The following PLAAT3 variants were observed in gnomAD, a reference collection of about 807,000 sequenced individuals.
PLAAT3 encodes the protein phospholipase A and acyltransferase 3, also known as Ca-independent phospholipase A1/2.
In PLAAT3, 21 loss-of-function variants were observed where a neutral mutation model predicts 16.7. The observed-to-expected ratio is 1.26, with a 90% CI of 0.89 to 1.81. The LOEUF (loss-of-function observed/expected upper bound fraction) is 1.81, where lower values mean the gene tolerates loss of function less well. Among genes scored for constraint, PLAAT3 ranks in the 40% most tolerant of loss-of-function variants. PLAAT3 has a pLI of 0.00. For missense variants in PLAAT3, 219 were observed against 213.7 expected, an observed-to-expected ratio of 1.02 and a Z score of -0.16; for synonymous variants, 76 against 81.7, an observed-to-expected ratio of 0.93 and a Z score of 0.38.
At chr11:63,593,376 G>A (rs1049924939) in intron 3 of PLAAT3, among the ~76,000 whole-genome samples, 3 of 152,188 alleles carry the variant, frequency 2.0e-5, no homozygotes, top group Admixed American at 6.5e-5. Context: ...TAGAACAGAA[G>A]GAACAGCAGG....
rs566274481 is a variant in PLAAT3, at chr11:63,581,881, G to C, written c.388-6835C>G. Among the ~76,000 whole-genome samples, 9 of 152,262 alleles carry C rather than the reference G, an allele frequency of 5.9e-5. No homozygotes were observed. The South Asian group carries it at 1.9e-3, about 32-fold the overall frequency. On this transcript the variant is annotated intron_variant, in intron 4 of 4. Transcript: ENST00000415826. ...AACCTATGTTGAAATATTAGGGACTGGTTCCCCCAATACCAGTAACCTCTA... is the reference window on the plus strand; with the variant it reads ...AACCTATGTTGAAATATTAGGGACTCGTTCCCCCAATACCAGTAACCTCTA...
rs187724647 is a variant in PLAAT3, at chr11:63,582,940, G to A, written c.387+7160C>T. ...GAGGTCAGGAGTTCGAGACCAGCCT[G>A]ACCAACATGGTGAAACCTCATCTCT... On this transcript the variant is annotated intron_variant, in intron 4 of 4. Coordinates refer to ENST00000415826, the MANE Select transcript of PLAAT3 (RefSeq NM_001128203.2). Among the ~76,000 whole-genome samples the A allele has an allele frequency of 1.2e-3, 185 of 152,198 alleles. 1 individual carries two copies. The highest frequency in any genetic ancestry group is 4.5e-3 in the African/African-American group (185 of 41,518).
intron 4 of PLAAT3, among the ~76,000 whole-genome samples, chr11:63,584,982 T>C (rs1404010240): frequency 6.6e-6 from 1 of 151,894 alleles, no homozygotes; most frequent in Non-Finnish European, 1.5e-5. Context: ...TTTTCTGATA[T>C]GTACTAAATC....
intron 4 of PLAAT3, among the ~76,000 whole-genome samples, chr11:63,583,978 G>A (rs1328611484): frequency 6.6e-6 from 1 of 152,162 alleles, no homozygotes; most frequent in Non-Finnish European, 1.5e-5. Flanking sequence ...AAGAAGAAGT[G>A]GAGATAGTAG....
chr11:63,598,025 G>A, intron 3 of PLAAT3, 36 bp downstream of exon 3: 1 of 1,377,236 alleles, frequency 7.3e-7, no homozygotes, highest in Non-Finnish European at 1.0e-6. Context: ...CCCAGCCCCT[G>A]GGGCCCATCA....
intron 2 of PLAAT3, among the ~76,000 whole-genome samples, chr11:63,604,292 T>C (rs1230216314): frequency 7.9e-5 from 12 of 152,318 alleles, no homozygotes; most frequent in Non-Finnish European, 1.0e-4. Flanking sequence ...TATATTATTT[T>C]ATTGTTTGAA....
chr11:63,606,143 C>T (rs1938552586), intron 2 of PLAAT3, among the ~76,000 whole-genome samples: 1 of 152,144 alleles, frequency 6.6e-6, no homozygotes, highest in Non-Finnish European at 1.5e-5. Flanking sequence ...AACCCCTTCA[C>T]CTTGGGAGGA....
chr11:63,609,198 C>T (rs973529159), intron 2 of PLAAT3, among the ~76,000 whole-genome samples: 7 of 152,144 alleles, frequency 4.6e-5, no homozygotes, highest in Non-Finnish European at 1.0e-4. Context: ...CTAAACTCAC[C>T]CCCTTCACTT....
chr11:63,599,009 G>T (rs1281019138), intron 2 of PLAAT3, among the ~76,000 whole-genome samples: 1 of 152,092 alleles, frequency 6.6e-6, no homozygotes, highest in East Asian at 1.9e-4. Flanking sequence ...CTTCAGAGAG[G>T]TTCAAGATCC....
chr11:63,588,162 C>T (rs758606884), intron 4 of PLAAT3, among the ~76,000 whole-genome samples: 18 of 151,038 alleles, frequency 1.2e-4, no homozygotes, highest in African/African-American at 2.2e-4. Context: ...CTCTGCCTCC[C>T]GGATTCAAGT....
At chr11:63,589,326 A>C (rs1004618329) in intron 4 of PLAAT3, among the ~76,000 whole-genome samples, 4 of 151,702 alleles carry the variant, frequency 2.6e-5, no homozygotes, top group African/African-American at 9.7e-5. Context: ...ATGGATCTTA[A>C]GCTAATCATT....
intron 4 of PLAAT3, among the ~76,000 whole-genome samples, chr11:63,580,452 GAGACC>G (rs1445839158): frequency 6.6e-6 from 1 of 152,080 alleles, no homozygotes; most frequent in Non-Finnish European, 1.5e-5. Flanking sequence ...TCAGGAGTTC[GAGACC>G]AGCCTGGCCA....
rs34044017 is a variant in PLAAT3 at position 63,606,425 on chromosome 11, AACACAC to A, written c.15+7569_15+7574del. On this transcript the variant is annotated intron_variant, in intron 2 of 4. Transcript: ENST00000415826. The stretch of plus-strand genomic sequence containing the variant: ...TGGCAAAACCCCGTCTCTACTATAA[AACACAC>A]ACACACACACACACACACACACACA... 2.8e-3 allele frequency among the ~76,000 whole-genome samples: 386 copies of A among 140,204 alleles called. 1 individual carries two copies. The highest frequency in any genetic ancestry group is 7.8e-3 in the African/African-American group (283 of 36,244). 92.0% of individuals were successfully genotyped at this position (140,204 alleles called of 152,430 possible).
intron 3 of PLAAT3, among the ~76,000 whole-genome samples, chr11:63,596,956 C>T (rs188266409): frequency 2.6e-3 from 389 of 151,952 alleles, no homozygotes; most frequent in Non-Finnish European, 4.5e-3. Context: ...ATTAGTCGGG[C>T]GTGGTGGCAG....
chr11:63,598,105 G>T lies in PLAAT3; in HGVS notation c.74C>A (p.Ala25Asp), dbSNP rs1052780406. ...EIFRPFYRHW[A>D]IYVGDGYVVH... The stretch of plus-strand genomic sequence containing the variant: ...CACATATCCATCGCCAACATAGATG[G>T]CCCAGTGTCTGTAGAAAGGGCGAAA... Residue 25 changes from alanine to aspartate, a missense_variant, in exon 3 of 5, where the codon GCC becomes GAC. By Grantham distance (126) the Ala-to-Asp change is moderately radical. Coordinates refer to ENST00000415826, the MANE Select transcript of PLAAT3 (RefSeq NM_001128203.2). The T allele has an allele frequency of 5.6e-6, 9 of 1,613,854 alleles. No homozygotes were observed. Among genetic ancestry groups the T allele is most frequent in the Non-Finnish European group, 7.6e-6 (9 of 1,179,878 alleles).
At position 63,582,321 on chromosome 11, in the gene PLAAT3, G is replaced by A. The variant is rs111897043; in HGVS notation, c.388-7275C>T. On this transcript the variant is annotated intron_variant, in intron 4 of 4. Transcript: ENST00000415826. The stretch of plus-strand genomic sequence containing the variant: ...GGAAATCCAAAGGATGACAGCCAAG[G>A]GGAGTCCAGGATGACAGCCATGCAA... 2.5e-3 allele frequency among the ~76,000 whole-genome samples: 379 copies of A among 152,246 alleles called. 4 individuals are homozygous for A. The highest frequency in any genetic ancestry group is 8.7e-3 in the African/African-American group (363 of 41,550).
At chr11:63,593,986 G>A (rs1005038907) in intron 3 of PLAAT3, among the ~76,000 whole-genome samples, 13 of 152,252 alleles carry the variant, frequency 8.5e-5, no homozygotes, top group African/African-American at 2.7e-4. Flanking sequence ...GCCACCAGGC[G>A]AGGGAGGGTG....
At position 63,574,832 on chromosome 11, in the gene PLAAT3, A is replaced by T. The variant is rs1259808838; in HGVS notation, c.*113T>A. 2 of 692,722 alleles carry T rather than the reference A, an allele frequency of 2.9e-6. No individual in the cohort carries two copies. Among genetic ancestry groups the T allele is most frequent in the East Asian group, 2.5e-5 (1 of 39,722 alleles). The allele number at this position is 692,722 out of a possible 1,614,324, so 42.9% of individuals were successfully genotyped here. On this transcript the variant is annotated 3_prime_UTR_variant, in exon 5 of 5. Coordinates refer to ENST00000415826, the MANE Select transcript of PLAAT3 (RefSeq NM_001128203.2). ...GTTTTGCTTTATTTTATTCTGTGAA[A>T]ATAAGCCTTATTATAAATCACAATG...
chr11:63,616,922 T>G (rs999358837), upstream of PLAAT3: 1 of 148,546 alleles, frequency 6.7e-6, no homozygotes, highest in African/African-American at 2.5e-5. Flanking sequence ...GGGCGGAGCC[T>G]GCAGTGAGCC....
Sources: gnomAD v4.1 joint callset for allele counts (sites outside exome capture counted in the v4.1 genomes callset) on GRCh38, gnomAD v4.1.1 for gene constraint, MANE v1.5 for transcripts, NCBI Gene and HGNC (gene_info 2026-07-23, HGNC 2026-07-21) for gene names.